Variants in GNAL observed in about 807,000 individuals in gnomAD.
GNAL encodes the protein guanine nucleotide-binding protein G(olf) subunit alpha.
A neutral mutation model predicts 55.1 loss-of-function variants in GNAL; 18 were observed. The ratio of observed to expected loss-of-function variants is 0.33; its 90% confidence interval spans 0.23 to 0.48. The LOEUF (loss-of-function observed/expected upper bound fraction) is 0.48. Ranked by LOEUF, GNAL falls within the 20% of genes least tolerant of loss-of-function variation. The probability of loss-of-function intolerance (pLI) is 0.99; values close to 1 mark genes in which losing one functional copy is unlikely to be tolerated. For synonymous variants in GNAL, 253 were observed against 237.0 expected, an observed-to-expected ratio of 1.07 and a Z score of -0.62; for missense variants, 412 against 614.1, an observed-to-expected ratio of 0.67 and a Z score of 3.48.
At chr18:11,783,245 T>G (rs559148161) in intron 4 of GNAL, among the ~76,000 whole-genome samples, 1 of 152,256 alleles carries the variant, frequency 6.6e-6, no homozygotes, top group East Asian at 1.9e-4. Context: ...GCCACCTGCT[T>G]TTAGAGCCCA....
chr18:11,799,752 T>C (rs1301433004), intron 4 of GNAL, among the ~76,000 whole-genome samples: 2 of 152,200 alleles, frequency 1.3e-5, no homozygotes, highest in Admixed American at 6.5e-5. Flanking sequence ...TGTACTACTT[T>C]TGCATATAGT....
rs1568010401 is a variant in GNAL at position 11,752,484 on chromosome 18, T to C, written c.377-369T>C. 6.2e-7 allele frequency: 1 copy of C among 1,612,536 alleles called. No homozygotes were observed. Among genetic ancestry groups the C allele is most frequent in the Non-Finnish European group, 8.5e-7 (1 of 1,179,406 alleles). On this transcript the variant is annotated intron_variant, in intron 1 of 11. Coordinates refer to ENST00000334049, the MANE Select transcript of GNAL (RefSeq NM_182978.4). This position sits in a 1 kb window ranked among gnomAD's most constrained non-coding sequence, Gnocchi z 4.5. ...AGACGACGGAAGACCAGGGCGTCGA[T>C]GAAAAAGAACGACGCGAGGCCAACA...
intron 7 of GNAL, among the ~76,000 whole-genome samples, chr18:11,865,771 AAAAAAGCATCCAAGCATCCCTC>A (rs1239634609): frequency 6.8e-6 from 1 of 147,558 alleles, no homozygotes; most frequent in Non-Finnish European, 1.5e-5. Flanking sequence ...AAAAAAAAAA[AAAAAAGCATCCAAGCATCCCTC>A]AAATCTCAGC....
At chr18:11,706,858 T>A (rs1296078554) in intron 1 of GNAL, among the ~76,000 whole-genome samples, 1 of 152,238 alleles carries the variant, frequency 6.6e-6, no homozygotes, top group Admixed American at 6.5e-5. Flanking sequence ...TCCAGTTACT[T>A]CCTTTACTAA....
In GNAL at chr18:11,849,269, A is replaced by C. The variant is rs137967117; in HGVS notation, c.723-13126A>C. 1.1e-3 allele frequency among the ~76,000 whole-genome samples: 163 copies of C among 152,360 alleles called. 3 individuals carry two copies. In the East Asian group the frequency reaches 0.022, roughly 20 times the overall value. ...ATAATCCCAGCACTTTGGAATGCCAAGGTGGGCAGATCAACTGAGGTCAGG... is the reference window on the plus strand; with the variant it reads ...ATAATCCCAGCACTTTGGAATGCCACGGTGGGCAGATCAACTGAGGTCAGG... On this transcript the variant is annotated intron_variant, in intron 5 of 11. Transcript: ENST00000334049.
At chr18:11,804,012 A>G (rs1464367603) in intron 4 of GNAL, among the ~76,000 whole-genome samples, 4 of 131,614 alleles carry the variant, frequency 3.0e-5, no homozygotes, top group Admixed American at 8.2e-5. Flanking sequence ...GAGCAGTTTG[A>G]GTGGAACACG....
chr18:11,729,447 C>T (rs1216845115), intron 1 of GNAL, among the ~76,000 whole-genome samples: 1 of 152,108 alleles, frequency 6.6e-6, no homozygotes, highest in African/African-American at 2.4e-5. Context: ...GTAGCCAGAT[C>T]CTCTCCAGAT....
intron 5 of GNAL, among the ~76,000 whole-genome samples, chr18:11,826,544 T>G (rs1167436365): frequency 6.6e-6 from 1 of 152,008 alleles, no homozygotes; most frequent in Non-Finnish European, 1.5e-5. Context: ...TCCAAGCATG[T>G]GGTTGTCAGG....
Position 11,716,901 on chromosome 18 carries a change from G to A in GNAL, c.376+26962G>A, listed in dbSNP as rs559566213. On this transcript the variant is annotated intron_variant, in intron 1 of 11. Coordinates refer to ENST00000334049, the MANE Select transcript of GNAL (RefSeq NM_182978.4). ...TGGCTTCACCCAGTGGATCCCGCAC[G>A]GGGGCTGCAGGTGGAGCTGCCTGCC... Among the ~76,000 whole-genome samples the A allele has an allele frequency of 5.3e-4, 81 of 152,352 alleles. 1 individual carries two copies. Among genetic ancestry groups the A allele is most frequent in the African/African-American group, 1.8e-3 (75 of 41,586 alleles).
rs1409565849 is a variant in GNAL, at chr18:11,881,343, A to AC, written c.*213dup. ...TGAATACGGCCTCCCGCAGCATCCC[A>AC]CCCCCAAACCACCGACTCTCATTGC... On this transcript the variant is annotated 3_prime_UTR_variant, in exon 12 of 12. Transcript: ENST00000334049. This position sits in a 1 kb window ranked among gnomAD's most constrained non-coding sequence, Gnocchi z 4.8. The AC allele has an allele frequency of 4.6e-6, 2 of 432,538 alleles. No individual in the cohort carries two copies. Among genetic ancestry groups the AC allele is most frequent in the Non-Finnish European group, 8.3e-6 (2 of 242,012 alleles). The allele number at this position is 432,538 out of a possible 1,614,324, so 26.8% of individuals were successfully genotyped here. A position where few individuals can be genotyped will look rare whatever the true frequency, so the allele number is the denominator to read the frequency against.
chr18:11,743,142 C>G (rs2032614933), intron 1 of GNAL, among the ~76,000 whole-genome samples: 1 of 152,144 alleles, frequency 6.6e-6, no homozygotes, highest in East Asian at 1.9e-4. Context: ...TTACTGAATT[C>G]CAACATGGGA....
At chr18:11,800,158 A>G (rs950727054) in intron 4 of GNAL, among the ~76,000 whole-genome samples, 5 of 152,042 alleles carry the variant, frequency 3.3e-5, no homozygotes, top group Non-Finnish European at 7.3e-5. Flanking sequence ...TCTTTCACAC[A>G]TAGTATACGT....
intron 5 of GNAL, among the ~76,000 whole-genome samples, chr18:11,844,078 A>G (rs940231675): frequency 1.3e-5 from 2 of 152,206 alleles, no homozygotes; most frequent in Non-Finnish European, 2.9e-5. Context: ...ACTAATGGCT[A>G]ATGACTCCTT....
intron 1 of GNAL, among the ~76,000 whole-genome samples, chr18:11,711,155 G>A (rs1221627599): frequency 2.0e-5 from 3 of 152,170 alleles, no homozygotes; most frequent in East Asian, 1.9e-4. Flanking sequence ...GATTACAGGC[G>A]TGAGCCACCA....
At chr18:11,711,398 C>CT (rs538267992) in intron 1 of GNAL, among the ~76,000 whole-genome samples, 21 of 149,370 alleles carry the variant, frequency 1.4e-4, no homozygotes, top group Admixed American at 4.0e-4. Context: ...ATTTTTCATT[C>CT]TTTTTTTTTT....
At chr18:11,827,531 C>T (rs1252328609) in intron 5 of GNAL, among the ~76,000 whole-genome samples, 3 of 151,910 alleles carry the variant, frequency 2.0e-5, no homozygotes, top group Non-Finnish European at 4.4e-5. Flanking sequence ...GAGAATCGCT[C>T]GAACTTGGGA....
chr18:11,844,608 C>T (rs991459452), intron 5 of GNAL, among the ~76,000 whole-genome samples: 2 of 152,004 alleles, frequency 1.3e-5, no homozygotes, highest in Non-Finnish European at 2.9e-5. Flanking sequence ...ATTAAGGGTA[C>T]GAGTGAGTCA....
At chr18:11,691,809 G>A (rs563226387) in intron 1 of GNAL, among the ~76,000 whole-genome samples, 50 of 152,240 alleles carry the variant, frequency 3.3e-4, no homozygotes, top group African/African-American at 1.0e-3. Flanking sequence ...GATTTGCTCC[G>A]CTTGAGAACC....
intron 1 of GNAL, among the ~76,000 whole-genome samples, chr18:11,703,137 A>AAACG: frequency 6.6e-6 from 1 of 152,140 alleles, no homozygotes; most frequent in South Asian, 2.1e-4. Flanking sequence ...ACAAACAAAC[A>AAACG]AAAAAACCAT....
Sources: gnomAD v4.1 joint callset for allele counts (sites outside exome capture counted in the v4.1 genomes callset) on GRCh38, gnomAD v4.1.1 for gene constraint, Gnocchi (gnomAD v3.1) non-coding constraint, MANE v1.5 for transcripts, NCBI Gene and HGNC (gene_info 2026-07-23, HGNC 2026-07-21) for gene names.